The following NRG2 variants were observed in gnomAD, a reference collection of about 807,000 sequenced individuals.
NRG2 encodes the protein pro-neuregulin-2, membrane-bound isoform.
A neutral mutation model predicts 73.9 loss-of-function variants in NRG2; 27 were observed. That is an observed-to-expected ratio of 0.37 (90% CI 0.27 to 0.50). The LOEUF (loss-of-function observed/expected upper bound fraction) is 0.50. Ranked by LOEUF, NRG2 falls within the 20% of genes least tolerant of loss-of-function variation. NRG2 has a pLI of 0.96. For synonymous variants in NRG2, 532 were observed against 541.0 expected (o/e 0.98, Z 0.23); for missense variants, 1,126 against 1,210.1 (o/e 0.93, Z 1.03).
At chr5:139,982,836 C>A (rs1462103512) in intron 1 of NRG2, among the ~76,000 whole-genome samples, 1 of 152,196 alleles carries the variant, frequency 6.6e-6, no homozygotes, top group Non-Finnish European at 1.5e-5. Flanking sequence ...TAGTCTTGCC[C>A]AGGGGCAGCA....
intron 1 of NRG2, among the ~76,000 whole-genome samples, chr5:139,985,644 T>C (rs530652088): frequency 6.6e-6 from 1 of 152,332 alleles, no homozygotes; most frequent in East Asian, 1.9e-4. Context: ...TCCCTGTTCA[T>C]AATTCAAAGA....
At chr5:139,930,072 T>C (rs144478860) in intron 1 of NRG2, among the ~76,000 whole-genome samples, 22 of 152,334 alleles carry the variant, frequency 1.4e-4, no homozygotes, top group African/African-American at 3.8e-4. Context: ...TTTAACATGA[T>C]TGTTTGTGGG....
chr5:140,035,260 A>T (rs573104218), intron 1 of NRG2, among the ~76,000 whole-genome samples: 1 of 152,286 alleles, frequency 6.6e-6, no homozygotes, highest in Non-Finnish European at 1.5e-5. Context: ...TGATTATTGG[A>T]AACCCTTCTC....
intron 2 of NRG2, among the ~76,000 whole-genome samples, chr5:139,882,432 G>A (rs1763580420): frequency 6.6e-6 from 1 of 152,246 alleles, no homozygotes; most frequent in Non-Finnish European, 1.5e-5. Context: ...TGCTGATGCT[G>A]TGGTGACAGC....
At chr5:140,018,384 GA>G (rs2126660966) in intron 1 of NRG2, among the ~76,000 whole-genome samples, 1 of 152,282 alleles carries the variant, frequency 6.6e-6, no homozygotes, top group South Asian at 2.1e-4. Context: ...TGTTAGCAGG[GA>G]AAAGCTGCCT....
intron 1 of NRG2, among the ~76,000 whole-genome samples, chr5:140,036,650 G>C (rs968940967): frequency 2.6e-5 from 4 of 152,258 alleles, no homozygotes; most frequent in African/African-American, 9.6e-5. Flanking sequence ...ATTCGAAAAA[G>C]TAAGTGGGAG....
rs1167791994 is a variant in NRG2, at chr5:139,915,300, G to T, written c.701-27789C>A. On this transcript the variant is annotated intron_variant, in intron 1 of 9. Coordinates refer to ENST00000361474, the MANE Select transcript of NRG2 (RefSeq NM_004883.3). This position sits in a 1 kb window ranked among gnomAD's most constrained non-coding sequence, Gnocchi z 4.0. The stretch of plus-strand genomic sequence containing the variant: ...CCTTCTCTTTTCCTACTGAGATGGG[G>T]TGATTTCGTGGACACAGTACAGAGG... Among the ~76,000 whole-genome samples, 2 of 152,200 alleles carry T rather than the reference G, an allele frequency of 1.3e-5. No homozygotes were observed. The highest frequency in any genetic ancestry group is 4.8e-5 in the African/African-American group (2 of 41,448).
In NRG2 at chr5:139,848,140, G is replaced by A. The variant is rs1487815376; in HGVS notation, c.2330C>T (p.Ser777Leu). The A allele has an allele frequency of 2.7e-6, 4 of 1,466,272 alleles. No individual in the cohort carries two copies. Among genetic ancestry groups the A allele is most frequent in the Admixed American group, 2.5e-5 (1 of 40,176 alleles). The allele number at this position is 1,466,272 out of a possible 1,614,324, so 90.8% of individuals were successfully genotyped here. Residue 777 changes from serine to leucine, a missense_variant, in exon 10 of 10, where the codon TCG (serine) becomes TTG (leucine). Coordinates refer to ENST00000361474, the MANE Select transcript of NRG2 (RefSeq NM_004883.3). ...SGSGGGSASASDDDADDADGA... is the reference protein window; with the variant it reads ...SGSGGGSASALDDDADDADGA... ...GTCCGCGTCGTCCGCGTCGTCGTCC[G>A]ACGCCGAGGCTGAGCCGCCGCCCGA... is the stretch of plus-strand genomic sequence containing the variant.
rs145869722 is a variant in NRG2, at chr5:139,922,134, G to A, written c.701-34623C>T. The stretch of plus-strand genomic sequence containing the variant: ...ACAAAAGATAATGTCAAGACACTAA[G>A]AAGACAAGCAATAAACAGATAAAAT... On this transcript the variant is annotated intron_variant, in intron 1 of 9. Transcript: ENST00000361474. 2.9e-3 allele frequency among the ~76,000 whole-genome samples: 434 copies of A among 147,890 alleles called. 3 individuals are homozygous for A. Among genetic ancestry groups the A allele is most frequent in the Non-Finnish European group, 5.0e-3 (335 of 67,110 alleles).
chr5:139,988,331 C>T (rs1757330734), intron 1 of NRG2, among the ~76,000 whole-genome samples: 1 of 152,028 alleles, frequency 6.6e-6, no homozygotes, highest in Non-Finnish European at 1.5e-5. Flanking sequence ...AACTTACGTC[C>T]ATACAAAAAC....
intron 1 of NRG2, among the ~76,000 whole-genome samples, chr5:139,917,095 T>C (rs567080886): frequency 2.0e-5 from 3 of 152,120 alleles, no homozygotes; most frequent in Admixed American, 1.3e-4. Context: ...ATCTGACTTT[T>C]TGATTCTAGC....
chr5:140,031,704 C>T (rs1580987681), intron 1 of NRG2, among the ~76,000 whole-genome samples: 1 of 152,056 alleles, frequency 6.6e-6, no homozygotes, highest in East Asian at 1.9e-4. Flanking sequence ...ATCAGTGGGG[C>T]AGTGCTTAAG....
Position 139,865,993 on chromosome 5 carries a change from T to C in NRG2, c.1113-368A>G, listed in dbSNP as rs900758820. Among the ~76,000 whole-genome samples the C allele has an allele frequency of 5.9e-5, 9 of 152,320 alleles. 1 individual carries two copies. In the East Asian group the frequency reaches 1.7e-3, roughly 29 times the overall value. ...TCTTGGTGCCAGGCAGTCAGTCAGC[T>C]GGCAGGGATCTGGGAGCCTTAAGGA... On this transcript the variant is annotated intron_variant, in intron 4 of 9. Transcript: ENST00000361474. The surrounding 1 kb of genome is among the most constrained non-coding windows in gnomAD (Gnocchi z 5.2).
chr5:139,965,959 C>G (rs1755480212), intron 1 of NRG2, among the ~76,000 whole-genome samples: 1 of 152,126 alleles, frequency 6.6e-6, no homozygotes, highest in Non-Finnish European at 1.5e-5. Context: ...CTTCCTAGGA[C>G]TTTTCACAAT....
intron 1 of NRG2, among the ~76,000 whole-genome samples, chr5:140,034,063 A>C (rs1161324274): frequency 6.6e-6 from 1 of 151,470 alleles, no homozygotes; most frequent in African/African-American, 2.4e-5. Context: ...AGTTCAAGTG[A>C]TTCTCCTGCC....
intron 1 of NRG2, among the ~76,000 whole-genome samples, chr5:139,943,491 T>C (rs988949625): frequency 6.6e-6 from 1 of 152,206 alleles, no homozygotes; most frequent in African/African-American, 2.4e-5. Context: ...AATGAGATCT[T>C]TGATTTTAAA....
At chr5:139,987,212 A>AAT (rs1388847281) in intron 1 of NRG2, among the ~76,000 whole-genome samples, 1 of 141,596 alleles carries the variant, frequency 7.1e-6, no homozygotes, top group Non-Finnish European at 1.6e-5. Flanking sequence ...TCTCTACTAA[A>AAT]ATACAAAAAA....
intron 1 of NRG2, among the ~76,000 whole-genome samples, chr5:139,891,325 G>A (rs1374507080): frequency 6.6e-6 from 1 of 152,174 alleles, no homozygotes; most frequent in African/African-American, 2.4e-5. Context: ...AGGGCCTGAG[G>A]AACTGAGAGC....
intron 1 of NRG2, among the ~76,000 whole-genome samples, chr5:140,000,333 C>A (rs1000922477): frequency 1.3e-5 from 2 of 152,230 alleles, no homozygotes; most frequent in African/African-American, 4.8e-5. Context: ...TTTAGCAGTA[C>A]CACCCCTCCC....
Sources: allele counts gnomAD v4.1 joint callset (sites outside exome capture counted in the v4.1 genomes callset), GRCh38; gene constraint gnomAD v4.1.1; non-coding constraint Gnocchi (gnomAD v3.1); transcripts MANE v1.5; gene names NCBI Gene and HGNC (gene_info 2026-07-23, HGNC 2026-07-21).